The following PLEKHG1 variants were observed in gnomAD, a reference collection of about 807,000 sequenced individuals.
PLEKHG1 encodes pleckstrin homology and RhoGEF domain containing G1.
A neutral mutation model predicts 100.8 loss-of-function variants in PLEKHG1; 44 were observed. The ratio of observed to expected loss-of-function variants is 0.44; its 90% CI spans 0.34 to 0.56. PLEKHG1 has a LOEUF of 0.56. Ranked by LOEUF, PLEKHG1 falls within the 20% of genes least tolerant of loss-of-function variation. The pLI, the probability that PLEKHG1 is intolerant of heterozygous loss-of-function variation, is 0.01. For synonymous variants in PLEKHG1, 640 were observed against 662.5 expected, an observed-to-expected ratio of 0.97 and a Z score of 0.52; for missense variants, 1,545 against 1,720.9, an observed-to-expected ratio of 0.90 and a Z score of 1.81.
In PLEKHG1 at chr6:150,808,154, C is replaced by T. The variant is rs561532972; in HGVS notation, c.913-951C>T. On this transcript the variant is annotated intron_variant, in intron 7 of 15. Transcript: ENST00000358517. ...TGATGTGTTTATTATGCATTGTATGCCTGTCAAAATATATCACGTACCCCA... is the reference window on the plus strand; with the variant it reads ...TGATGTGTTTATTATGCATTGTATGTCTGTCAAAATATATCACGTACCCCA... 2.6e-5 allele frequency among the ~76,000 whole-genome samples: 4 copies of T among 152,148 alleles called. No homozygotes were observed. In the East Asian group the frequency reaches 5.8e-4, roughly 22 times the overall value.
In PLEKHG1 at chr6:150,831,029, C is replaced by T; in HGVS notation, c.1918C>T (p.Gln640Ter). ...GCAGAACAGCCCCAAAACAGAAGGG[C>T]AGGAGGAGATGACTCCCTTTGGGTC... The change falls in exon 15 of 16, where the codon CAG (glutamine) becomes TAG (stop). Residue 640 changes from glutamine (Q) to a stop codon, truncating the protein, a stop_gained. Transcript: ENST00000358517. LOFTEE classifies it high-confidence loss of function. This position sits in a 1 kb window ranked among gnomAD's most constrained non-coding sequence, Gnocchi z 4.1. 1 of 1,613,928 alleles carries T rather than the reference C, an allele frequency of 6.2e-7. No individual in the cohort carries two copies.
At chr6:150,786,986 C>T (rs74938321) in intron 4 of PLEKHG1, among the ~76,000 whole-genome samples, 1 of 146,122 alleles carries the variant, frequency 6.8e-6, no homozygotes, top group African/African-American at 2.6e-5. Context: ...GCCAAGATAA[C>T]GCCATTGCAC....
intron 1 of PLEKHG1, among the ~76,000 whole-genome samples, chr6:150,724,548 TTTTC>T (rs1268549567): frequency 6.0e-5 from 7 of 116,058 alleles, no homozygotes; most frequent in African/African-American, 2.6e-4. Flanking sequence ...TTCTTTTCTT[TTTTC>T]TTTTTCTTTT....
intron 2 of PLEKHG1, among the ~76,000 whole-genome samples, chr6:150,737,237 C>G (rs1487284267): frequency 6.6e-6 from 1 of 151,074 alleles, no homozygotes; most frequent in Non-Finnish European, 1.5e-5. Context: ...CAATTATTGT[C>G]AAGCCTGCAG....
upstream of PLEKHG1, among the ~76,000 whole-genome samples, chr6:150,719,236 T>G (rs1874096): frequency 0.81 from 123,279 of 151,992 alleles, 51,136 homozygotes; most frequent in Non-Finnish European, 0.91. Context: ...TTGTTTACGT[T>G]TAACATACAT....
chr6:150,800,603 A>T, intron 5 of PLEKHG1, 116 bp from the exon 7 acceptor site: 2 of 936,840 alleles, frequency 2.1e-6, no homozygotes, highest in Non-Finnish European at 3.2e-6. Context: ...TGATCTGACC[A>T]CAGCTCTGGA....
chr6:150,818,788 A>C (rs1776132803), intron 11 of PLEKHG1, among the ~76,000 whole-genome samples: 1 of 152,272 alleles, frequency 6.6e-6, no homozygotes. Context: ...ATAGAATAAA[A>C]AGAGAAAACA....
rs1562427503 is a variant in PLEKHG1 at position 150,674,632 on chromosome 6, C to CTCTCTCTCTCTCTCT, written c.-99+23846_-99+23847insTCTCTCTCTCTCTCT. On this transcript the variant is annotated intron_variant, in intron 3 of 3. Coordinates refer to the PLEKHG1 transcript ENST00000367326. The stretch of plus-strand genomic sequence containing the variant: ...CACCTGTAACTTTCTCTCTCTCCTC[C>CTCTCTCTCTCTCTCT]CTCTCTCTCTCTCTCTCTCTCTCTC... Among the ~76,000 whole-genome samples the CTCTCTCTCTCTCTCT allele has an allele frequency of 1.9e-3, 124 of 66,314 alleles. 20 individuals are homozygous for CTCTCTCTCTCTCTCT. Among genetic ancestry groups the CTCTCTCTCTCTCTCT allele is most frequent in the East Asian group, 5.2e-3 (12 of 2,306 alleles). The allele number at this position is 66,314 out of a possible 152,430, so 43.5% of individuals were successfully genotyped here. A position where few individuals can be genotyped will look rare whatever the true frequency, so the allele number is the denominator to read the frequency against.
At chr6:150,606,567 CTT>C (rs1245667047) in intron 1 of PLEKHG1, among the ~76,000 whole-genome samples, 1 of 152,292 alleles carries the variant, frequency 6.6e-6, no homozygotes, top group South Asian at 2.1e-4. Context: ...CTGCTGAAGT[CTT>C]TGCTTTTTCT....
Position 150,831,897 on chromosome 6 carries a change from T to C in PLEKHG1, c.2786T>C (p.Met929Thr), listed in dbSNP as rs367569639. 1.1e-5 allele frequency: 18 copies of C among 1,613,950 alleles called. No individual in the cohort carries two copies. Among genetic ancestry groups the C allele is most frequent in the African/African-American group, 2.7e-5 (2 of 74,946 alleles). The change falls in exon 15 of 16, where the codon ATG (methionine) becomes ACG (threonine). Residue 929 changes from methionine (M) to threonine (T), a missense_variant. Physicochemically the swap from Met to Thr is moderately conservative, Grantham distance 81. Transcript: ENST00000358517. This position sits in a 1 kb window ranked among gnomAD's most constrained non-coding sequence, Gnocchi z 4.1. ...CTGATTTCTAAAGAAGGCTCCTTTATGAGCCTTAACCGGCTTTCTCTGGCT... is the reference window on the plus strand; with the variant it reads ...CTGATTTCTAAAGAAGGCTCCTTTACGAGCCTTAACCGGCTTTCTCTGGCT...
intron 14 of PLEKHG1, among the ~76,000 whole-genome samples, chr6:150,829,247 C>G (rs1776779206): frequency 6.6e-6 from 1 of 152,230 alleles, no homozygotes; most frequent in Admixed American, 6.5e-5. Flanking sequence ...GTAATCTGCT[C>G]CTGTCTGCAC....
rs141807714 is a variant in PLEKHG1 at position 150,738,160 on chromosome 6, C to T, written c.411+4068C>T. Reference sequence around the variant, plus strand: ...AAAATAATTTCTGGGGGAAAAGAAGCTCGTCTAATTGAAGTCACTTTTAAT... The same window carrying T: ...AAAATAATTTCTGGGGGAAAAGAAGTTCGTCTAATTGAAGTCACTTTTAAT... On this transcript the variant is annotated intron_variant, in intron 2 of 15. Coordinates refer to ENST00000358517, the Ensembl canonical transcript of PLEKHG1. 8.2e-3 allele frequency among the ~76,000 whole-genome samples: 1,255 copies of T among 152,140 alleles called. 7 individuals are homozygous for T. The highest frequency in any genetic ancestry group is 0.017 in the Admixed American group (260 of 15,266).
At chr6:150,668,062 C>T (rs916029161) in intron 3 of PLEKHG1, among the ~76,000 whole-genome samples, 2 of 152,096 alleles carry the variant, frequency 1.3e-5, no homozygotes, top group African/African-American at 2.4e-5. Context: ...AGATTGATGC[C>T]GAAAGTCTCA....
intron 2 of PLEKHG1, among the ~76,000 whole-genome samples, chr6:150,745,973 T>C (rs1783139734): frequency 6.6e-6 from 1 of 151,420 alleles, no homozygotes; most frequent in Non-Finnish European, 1.5e-5. Context: ...AGAAGAAAAA[T>C]ATAAGATAGA....
intron 15 of PLEKHG1, among the ~76,000 whole-genome samples, chr6:150,836,341 G>A (rs1777219588): frequency 6.6e-6 from 1 of 152,102 alleles, no homozygotes; most frequent in Non-Finnish European, 1.5e-5. Context: ...TTGCGCCACT[G>A]CATTCCAGCC....
intron 2 of PLEKHG1, among the ~76,000 whole-genome samples, chr6:150,743,754 C>CT (rs1006183354): frequency 8.5e-5 from 13 of 152,156 alleles, no homozygotes; most frequent in Admixed American, 6.5e-4. Context: ...CCACCCCCTC[C>CT]TTTTTTTTCT....
In PLEKHG1 at chr6:150,644,334, G is replaced by GGTTTTTTTTTTTTTT. The variant is rs1554255840; in HGVS notation, c.-158+6209_-158+6210insGTTTTTTTTTTTTTT. On this transcript the variant is annotated intron_variant, in intron 2 of 3. Coordinates refer to the PLEKHG1 transcript ENST00000367326. ...AAGAGAGTGGTTTTTTTCTTTTCGT[G>GGTTTTTTTTTTTTTT]TTTTTTTTTTTTTTTTTTGTTACAG... is the stretch of plus-strand genomic sequence containing the variant. Among the ~76,000 whole-genome samples the GGTTTTTTTTTTTTTT allele has an allele frequency of 6.7e-3, 793 of 117,538 alleles. 17 individuals carry two copies. Among genetic ancestry groups the GGTTTTTTTTTTTTTT allele is most frequent in the Non-Finnish European group, 9.5e-3 (571 of 60,346 alleles). 77.1% of individuals were successfully genotyped at this position (117,538 alleles called of 152,430 possible).
intron 3 of PLEKHG1, among the ~76,000 whole-genome samples, chr6:150,771,178 C>T (rs547556243): frequency 6.6e-6 from 1 of 152,164 alleles, no homozygotes; most frequent in South Asian, 2.1e-4. Context: ...TTTGGGAGGC[C>T]GAAGTGGGTG....
chr6:150,607,213 C>A (rs1034857614), intron 1 of PLEKHG1, among the ~76,000 whole-genome samples: 3 of 152,072 alleles, frequency 2.0e-5, no homozygotes, highest in Non-Finnish European at 4.4e-5. Context: ...GATTTAAGGC[C>A]GTCTCTGACC....
Sources: allele counts gnomAD v4.1 joint callset (sites outside exome capture counted in the v4.1 genomes callset), GRCh38; gene constraint gnomAD v4.1.1; non-coding constraint Gnocchi (gnomAD v3.1); transcripts MANE v1.5; gene names NCBI Gene and HGNC (gene_info 2026-07-23, HGNC 2026-07-21).